The following RCAN1 variants were observed in gnomAD, a reference collection of about 807,000 sequenced individuals.
RCAN1 encodes the protein regulator of calcineurin 1.
RCAN1 carries 11 observed loss-of-function variants against 22.9 expected under a neutral mutation model. The observed-to-expected ratio is 0.48, with a 90% CI of 0.30 to 0.79. RCAN1 has a LOEUF of 0.79. Ranked by LOEUF, RCAN1 falls within the 30% of genes least tolerant of loss-of-function variation. The probability of loss-of-function intolerance (pLI) is 0.06; values close to 1 mark genes in which losing one functional copy is unlikely to be tolerated. For missense variants in RCAN1, 291 were observed against 337.8 expected (o/e 0.86, Z 1.09); for synonymous variants, 136 against 142.3 (o/e 0.96, Z 0.32).
At position 34,611,073 on chromosome 21, in the gene RCAN1, A is replaced by C. The variant is rs537351291; in HGVS notation, c.252+3687T>G. On this transcript the variant is annotated intron_variant, in intron 1 of 3. Transcript: ENST00000313806. ...ATACGGAACTATATTCACTGCTTGG[A>C]AATGAACGGAATATTATCTGAGAAC... is the stretch of plus-strand genomic sequence containing the variant. Among the ~76,000 whole-genome samples, 35 of 152,324 alleles carry C rather than the reference A, an allele frequency of 2.3e-4. 1 individual carries two copies. The highest frequency in any genetic ancestry group is 8.2e-4 in the African/African-American group (34 of 41,578).
intron 1 of RCAN1, among the ~76,000 whole-genome samples, chr21:34,558,770 T>A (rs1244722676): frequency 6.6e-6 from 1 of 152,198 alleles, no homozygotes; most frequent in Non-Finnish European, 1.5e-5. Context: ...ACAAACTGAG[T>A]TGCACTGGGG....
rs148238370 is a variant in RCAN1 at position 34,517,946 on chromosome 21, C to T, written c.*138G>A. On this transcript the variant is annotated 3_prime_UTR_variant, in exon 4 of 4. Transcript: ENST00000313806. Reference sequence around the variant, plus strand: ...AACAAGGGGACACGGCCTTGATTCTCTTCTGAGCAACATGAACTGGGATTT... The same window carrying T: ...AACAAGGGGACACGGCCTTGATTCTTTTCTGAGCAACATGAACTGGGATTT... 20 of 1,046,076 alleles carry T rather than the reference C, an allele frequency of 1.9e-5. No individual in the cohort carries two copies. The highest frequency in any genetic ancestry group is 6.3e-5 in the Admixed American group (3 of 47,374). The allele number at this position is 1,046,076 out of a possible 1,614,324, so 64.8% of individuals were successfully genotyped here. A position where few individuals can be genotyped will look rare whatever the true frequency, so the allele number is the denominator to read the frequency against.
chr21:34,527,134 A>C (rs987466812), intron 1 of RCAN1, among the ~76,000 whole-genome samples: 5 of 152,216 alleles, frequency 3.3e-5, no homozygotes, highest in African/African-American at 1.2e-4. Context: ...AATTCCATTC[A>C]GCTACTCAGA....
At chr21:34,557,801 C>T (rs763922855) in intron 1 of RCAN1, among the ~76,000 whole-genome samples, 16 of 152,126 alleles carry the variant, frequency 1.1e-4, no homozygotes, top group Admixed American at 9.8e-4. Context: ...GAAATAGCAG[C>T]GATCCGAAAT....
At chr21:34,606,526 T>G (rs1988532341) in intron 1 of RCAN1, among the ~76,000 whole-genome samples, 1 of 152,196 alleles carries the variant, frequency 6.6e-6, no homozygotes, top group Non-Finnish European at 1.5e-5. Context: ...TTATTATCTT[T>G]AAAATAAAGC....
chr21:34,531,969 A>T (rs1331668137), intron 1 of RCAN1, among the ~76,000 whole-genome samples: 1 of 152,008 alleles, frequency 6.6e-6, no homozygotes, highest in Non-Finnish European at 1.5e-5. Flanking sequence ...ATTCAGGACC[A>T]CCACGATGGG....
At chr21:34,589,187 T>G (rs971388565) in intron 1 of RCAN1, among the ~76,000 whole-genome samples, 1 of 152,190 alleles carries the variant, frequency 6.6e-6, no homozygotes, top group Non-Finnish European at 1.5e-5. Context: ...TTTTTAAAAG[T>G]TTAGTAAAGA....
intron 1 of RCAN1, among the ~76,000 whole-genome samples, chr21:34,558,103 G>A (rs7283600): frequency 0.12 from 18,220 of 152,220 alleles, 1,098 homozygotes; most frequent in Middle Eastern, 0.16. Context: ...GTGCTTGTGC[G>A]TTACTGATAG....
intron 1 of RCAN1, among the ~76,000 whole-genome samples, chr21:34,602,013 T>A (rs866859600): frequency 1.2e-4 from 18 of 151,832 alleles, no homozygotes; most frequent in African/African-American, 3.9e-4. Context: ...AAGCAAAAAA[T>A]TAAACATTGA....
intron 1 of RCAN1, among the ~76,000 whole-genome samples, chr21:34,563,370 C>A (rs566613629): frequency 6.6e-6 from 1 of 152,132 alleles, no homozygotes; most frequent in South Asian, 2.1e-4. Flanking sequence ...TTGGTAATTC[C>A]ATTTGGGGAA....
intron 1 of RCAN1, among the ~76,000 whole-genome samples, chr21:34,555,155 G>A (rs142619993): frequency 2.2e-4 from 34 of 152,306 alleles, no homozygotes; most frequent in Admixed American, 9.2e-4. Context: ...TTTCACTGGG[G>A]ACCTATGACA....
At chr21:34,529,328 C>T (rs539616010) in intron 1 of RCAN1, among the ~76,000 whole-genome samples, 2 of 152,262 alleles carry the variant, frequency 1.3e-5, no homozygotes, top group African/African-American at 4.8e-5. Flanking sequence ...TTCCAAAGTG[C>T]GTCTTGCTGA....
At chr21:34,532,742 A>G (rs999549167) in intron 1 of RCAN1, among the ~76,000 whole-genome samples, 1 of 152,218 alleles carries the variant, frequency 6.6e-6, no homozygotes, top group Non-Finnish European at 1.5e-5. Flanking sequence ...AATACTGAAT[A>G]GCCTTTTACA....
intron 1 of RCAN1, chr21:34,526,932 TGAGTC>T: frequency 7.1e-7 from 1 of 1,414,016 alleles, no homozygotes; most frequent in Non-Finnish European, 9.1e-7. Context: ...AGCAAATTCC[TGAGTC>T]AAGTCCTGCA....
At chr21:34,613,745 G>A in intron 1 of RCAN1, 3 of 1,473,894 alleles carry the variant, frequency 2.0e-6, no homozygotes, top group Non-Finnish European at 2.7e-6. Context: ...ATTCCTTTCA[G>A]AAAGTAAGTG....
In RCAN1 at chr21:34,599,475, A is replaced by G. The variant is rs964634681; in HGVS notation, c.252+15285T>C. ...GGCGACAGAGTGAGACTGTTTCAGA[A>G]AAAAGAAATACATTGAGTCTACTGA... On this transcript the variant is annotated intron_variant, in intron 1 of 3. Transcript: ENST00000313806. Among the ~76,000 whole-genome samples the G allele has an allele frequency of 7.2e-5, 11 of 152,358 alleles. No homozygotes were observed. In the South Asian group the frequency reaches 2.3e-3, roughly 32 times the overall value.
At chr21:34,589,921 C>A (rs1250526085) in intron 1 of RCAN1, among the ~76,000 whole-genome samples, 1 of 152,204 alleles carries the variant, frequency 6.6e-6, no homozygotes, top group African/African-American at 2.4e-5. Context: ...TGATAAATTT[C>A]TTTATATATC....
intron 1 of RCAN1, among the ~76,000 whole-genome samples, chr21:34,569,533 G>A (rs1987163289): frequency 6.6e-6 from 1 of 152,186 alleles, no homozygotes. Flanking sequence ...CAGACAGAAA[G>A]GCAGGGCCTG....
chr21:34,604,377 C>T (rs1988459024), intron 1 of RCAN1, among the ~76,000 whole-genome samples: 1 of 152,130 alleles, frequency 6.6e-6, no homozygotes, highest in South Asian at 2.1e-4. Flanking sequence ...GGTGATCTGC[C>T]CGCCTCAGCC....
Sources: gnomAD v4.1 joint callset for allele counts (sites outside exome capture counted in the v4.1 genomes callset) on GRCh38, gnomAD v4.1.1 for gene constraint, MANE v1.5 for transcripts, NCBI Gene and HGNC (gene_info 2026-07-23, HGNC 2026-07-21) for gene names.